OLFM2: variants seen among roughly 807,000 people sequenced by gnomAD.
OLFM2 encodes olfactomedin 2, also known as noelin-2.
OLFM2 carries 20 observed loss-of-function variants against 43.9 expected under a neutral mutation model. The observed-to-expected ratio is 0.46, with a 90% CI of 0.32 to 0.66. The LOEUF is 0.66. OLFM2 is among the 30% of genes least tolerant of loss of function. The probability of loss-of-function intolerance (pLI) is 0.04; values close to 1 mark genes in which losing one functional copy is unlikely to be tolerated. For synonymous variants in OLFM2, 268 were observed against 278.6 expected (o/e 0.96, Z 0.38); for missense variants, 416 against 643.6 (o/e 0.65, Z 3.83).
At chr19:9,887,550 GC>G (rs1476223575) in intron 1 of OLFM2, among the ~76,000 whole-genome samples, 1 of 152,004 alleles carries the variant, frequency 6.6e-6, no homozygotes, top group Non-Finnish European at 1.5e-5. Context: ...CCTCTTGATG[GC>G]CATCTCCATG....
At chr19:9,875,437 C>G (rs1424320167) in intron 1 of OLFM2, among the ~76,000 whole-genome samples, 2 of 152,098 alleles carry the variant, frequency 1.3e-5, no homozygotes, top group African/African-American at 4.8e-5. Flanking sequence ...TAATTAGAAC[C>G]TCGCCAATTT....
intron 1 of OLFM2, among the ~76,000 whole-genome samples, chr19:9,900,971 G>GAAGGAAGA (rs1216696005): frequency 1.1e-4 from 5 of 47,356 alleles, no homozygotes; most frequent in Non-Finnish European, 1.8e-4. Flanking sequence ...AGGAAGGAAG[G>GAAGGAAGA]AAGGAAGGAA....
intron 1 of OLFM2, among the ~76,000 whole-genome samples, chr19:9,935,789 A>G (rs1376103580): frequency 6.6e-6 from 1 of 150,428 alleles, no homozygotes; most frequent in Non-Finnish European, 1.5e-5. Context: ...GTCACACCCA[A>G]CCACGACACA....
chr19:9,864,821 T>G (rs1211022648), intron 1 of OLFM2, among the ~76,000 whole-genome samples: 1 of 130,056 alleles, frequency 7.7e-6, no homozygotes, highest in Non-Finnish European at 1.6e-5. Context: ...TTTGTAGAGA[T>G]AGTCTTGCTT....
chr19:9,918,070 G>C (rs564694070), intron 1 of OLFM2, among the ~76,000 whole-genome samples: 1 of 152,040 alleles, frequency 6.6e-6, no homozygotes, highest in East Asian at 1.9e-4. Context: ...GTAGAGATGG[G>C]GTTTCACCAT....
chr19:9,913,782 C>G (rs1376393896), intron 1 of OLFM2: 8 of 530,030 alleles, frequency 1.5e-5, no homozygotes, highest in Non-Finnish European at 1.9e-5. Flanking sequence ...AGGGGGGGCT[C>G]GGGGACGCGG....
At chr19:9,919,863 C>T (rs1277056948) in intron 1 of OLFM2, among the ~76,000 whole-genome samples, 3 of 139,902 alleles carry the variant, frequency 2.1e-5, no homozygotes, top group Non-Finnish European at 4.5e-5. Context: ...GGTGAGAGCT[C>T]GGCTCACTGC....
intron 1 of OLFM2, among the ~76,000 whole-genome samples, chr19:9,867,322 G>C (rs563205267): frequency 6.6e-6 from 1 of 152,268 alleles, no homozygotes; most frequent in African/African-American, 2.4e-5. Context: ...AGTGAGCCGA[G>C]ATCGTGCCAT....
At chr19:9,899,753 A>G (rs1246656849) in intron 1 of OLFM2, among the ~76,000 whole-genome samples, 1 of 151,598 alleles carries the variant, frequency 6.6e-6, no homozygotes. Flanking sequence ...GGGTTTCACT[A>G]TGTTGCCCAG....
At chr19:9,929,636 AT>A (rs1259956723) in intron 1 of OLFM2, among the ~76,000 whole-genome samples, 1 of 151,818 alleles carries the variant, frequency 6.6e-6, no homozygotes, top group African/African-American at 2.4e-5. Context: ...AAATGAATAC[AT>A]GCATGTAGGA....
intron 1 of OLFM2, among the ~76,000 whole-genome samples, chr19:9,897,841 C>T (rs1461981957): frequency 6.6e-6 from 1 of 152,082 alleles, no homozygotes; most frequent in African/African-American, 2.4e-5. Flanking sequence ...TTGTTACTTC[C>T]TGGCTATTAA....
At chr19:9,918,210 G>A (rs758127009) in intron 1 of OLFM2, among the ~76,000 whole-genome samples, 3 of 147,782 alleles carry the variant, frequency 2.0e-5, no homozygotes, top group Non-Finnish European at 4.5e-5. Flanking sequence ...TTTTTAAGGC[G>A]AGGGGCTGGG....
chr19:9,931,997 CCATT>C (rs1179988783), intron 1 of OLFM2, among the ~76,000 whole-genome samples: 1 of 152,144 alleles, frequency 6.6e-6, no homozygotes, highest in Non-Finnish European at 1.5e-5. Flanking sequence ...ATCCATCCAT[CCATT>C]CATCCATTCA....
intron 1 of OLFM2, among the ~76,000 whole-genome samples, chr19:9,889,065 CA>C (rs35972487): frequency 6.7e-4 from 81 of 121,066 alleles, no homozygotes; most frequent in Non-Finnish European, 6.3e-4. Flanking sequence ...GACTCCGTCT[CA>C]AAAAAAAAAA....
chr19:9,923,746 G>A (rs542492583), intron 1 of OLFM2, among the ~76,000 whole-genome samples: 3 of 152,042 alleles, frequency 2.0e-5, no homozygotes, highest in South Asian at 4.2e-4. Flanking sequence ...GGGCTCAAGC[G>A]ATCCTCCCAA....
intron 1 of OLFM2, among the ~76,000 whole-genome samples, chr19:9,878,977 G>A (rs184511182): frequency 3.4e-4 from 51 of 152,190 alleles, no homozygotes; most frequent in Non-Finnish European, 6.3e-4. Context: ...CTCCTGAGTG[G>A]CTGAGTGATA....
intron 2 of OLFM2, among the ~76,000 whole-genome samples, chr19:9,859,156 G>A (rs1337015888): frequency 6.6e-6 from 1 of 152,176 alleles, no homozygotes; most frequent in Non-Finnish European, 1.5e-5. Flanking sequence ...GAAACTCCCA[G>A]AAACTCAGCA....
At chr19:9,936,166 C>A (rs2086513553) in intron 1 of OLFM2, 138 bp downstream of exon 1, 4 of 913,792 alleles carry the variant, frequency 4.4e-6, no homozygotes, top group Non-Finnish European at 6.4e-6. Flanking sequence ...GCCCCTCCCC[C>A]GCTGCGACCC....
chr19:9,902,581 T>G (rs370980291), intron 1 of OLFM2, among the ~76,000 whole-genome samples: 2 of 151,936 alleles, frequency 1.3e-5, no homozygotes, highest in East Asian at 1.9e-4. Context: ...AGAGATGGGT[T>G]TTCACCATGT....
Sources: gnomAD v4.1 joint callset for allele counts (sites outside exome capture counted in the v4.1 genomes callset) on GRCh38, gnomAD v4.1.1 for gene constraint, MANE v1.5 for transcripts, NCBI Gene and HGNC (gene_info 2026-07-23, HGNC 2026-07-21) for gene names.